PDE1C: variants seen among roughly 807,000 people sequenced by gnomAD.
The protein encoded by PDE1C is phosphodiesterase 1C.
In PDE1C, 62 loss-of-function variants were observed where a neutral mutation model predicts 93.1. That is an observed-to-expected ratio of 0.67 (90% CI 0.54 to 0.82). The LOEUF is 0.82. Ranked by LOEUF, PDE1C falls within the 40% of genes least tolerant of loss-of-function variation. The pLI is 0.00. For synonymous variants in PDE1C, 325 were observed against 310.1 expected (o/e 1.05, Z -0.50); for missense variants, 742 against 884.6 (o/e 0.84, Z 2.04).
chr7:32,171,109 C>A (rs543538133), intron 2 of PDE1C, among the ~76,000 whole-genome samples: 6 of 152,260 alleles, frequency 3.9e-5, no homozygotes, highest in African/African-American at 1.2e-4. Context: ...CAGATGGCCC[C>A]GTAACATGAC....
chr7:31,937,305 T>C (rs1270293750), intron 2 of PDE1C, among the ~76,000 whole-genome samples: 4 of 152,158 alleles, frequency 2.6e-5, no homozygotes, highest in African/African-American at 9.7e-5. Flanking sequence ...AAGAAATATA[T>C]TGTGGGGTAA....
the PDE1C span, chr7:31,652,761 G>A: frequency 5.0e-6 from 8 of 1,613,798 alleles, no homozygotes; most frequent in Admixed American, 8.3e-5. Flanking sequence ...ATCAGCTTGG[G>A]CAAAGTTAGG....
At chr7:31,762,867 TCCCTAGAGGGA>T (rs1375755729) in intron 17 of PDE1C, among the ~76,000 whole-genome samples, 1 of 152,110 alleles carries the variant, frequency 6.6e-6, no homozygotes, top group East Asian at 1.9e-4. Context: ...CATTTCCAGA[TCCCTAGAGGGA>T]TATGCATCCA....
intron 2 of PDE1C, among the ~76,000 whole-genome samples, chr7:31,889,627 G>C (rs1798379539): frequency 6.6e-6 from 1 of 152,160 alleles, no homozygotes; most frequent in South Asian, 2.1e-4. Context: ...TCTACAGAGT[G>C]AATCTCCTTT....
At chr7:32,209,994 A>C (rs1805881934) in intron 1 of PDE1C, among the ~76,000 whole-genome samples, 1 of 152,186 alleles carries the variant, frequency 6.6e-6, no homozygotes, top group Non-Finnish European at 1.5e-5. Flanking sequence ...GGAATTTCGG[A>C]AGATAAATAA....
chr7:31,759,422 G>A (rs758937), intron 17 of PDE1C, among the ~76,000 whole-genome samples: 23,357 of 152,154 alleles, frequency 0.15, 1,995 homozygotes, highest in Non-Finnish European at 0.18. Flanking sequence ...GACCACTAGT[G>A]GAGAAGAACC....
intron 2 of PDE1C, among the ~76,000 whole-genome samples, chr7:31,905,828 GT>G (rs1224866978): frequency 5.3e-5 from 8 of 152,288 alleles, no homozygotes; most frequent in African/African-American, 1.9e-4. Flanking sequence ...ATCGAATCAT[GT>G]GGGTGGTTAC....
chr7:31,848,418 T>G (rs1371896829), intron 8 of PDE1C, among the ~76,000 whole-genome samples: 2 of 152,172 alleles, frequency 1.3e-5, no homozygotes, highest in Non-Finnish European at 2.9e-5. Context: ...CATGTCAAAC[T>G]TCTTTATATT....
chr7:32,224,272 C>G (rs1201125082), intron 1 of PDE1C, among the ~76,000 whole-genome samples: 1 of 152,134 alleles, frequency 6.6e-6, no homozygotes, highest in Non-Finnish European at 1.5e-5. Context: ...ACTCAGGAGG[C>G]TGAGGCAGGA....
intron 17 of PDE1C, among the ~76,000 whole-genome samples, chr7:31,774,841 C>A (rs1282029498): frequency 6.6e-6 from 1 of 152,114 alleles, no homozygotes; most frequent in Admixed American, 6.5e-5. Context: ...TCTTGGTTAA[C>A]CCTGAGTGGT....
intron 1 of PDE1C, among the ~76,000 whole-genome samples, chr7:32,315,163 A>T (rs1783141564): frequency 6.6e-6 from 1 of 150,648 alleles, no homozygotes; most frequent in Admixed American, 6.6e-5. Flanking sequence ...AAAAGAAAAT[A>T]CACTAAAGAA....
At chr7:32,133,694 A>G (rs1056571650) in intron 3 of PDE1C, among the ~76,000 whole-genome samples, 5 of 152,158 alleles carry the variant, frequency 3.3e-5, no homozygotes, top group African/African-American at 1.2e-4. Flanking sequence ...AAAAAACATC[A>G]ATACTCTTTG....
intron 2 of PDE1C, among the ~76,000 whole-genome samples, chr7:31,977,826 A>G (rs1421368508): frequency 3.9e-5 from 6 of 152,226 alleles, no homozygotes; most frequent in African/African-American, 1.4e-4. Context: ...TCCATTTAAC[A>G]TAAGGTTAGA....
chr7:31,684,247 G>A, the PDE1C span, among the ~76,000 whole-genome samples: 4 of 152,176 alleles, frequency 2.6e-5, no homozygotes, highest in Admixed American at 6.5e-5. Flanking sequence ...GGGGAAATCA[G>A]GGATTCATAC....
In PDE1C at chr7:31,930,686, A is replaced by AAAT. The variant is rs1484139388; in HGVS notation, c.129-49829_129-49827dup. ...AAACCTCATCTCTACTAAAAATACA[A>AAAT]AATAATAATAATAATAGCCAGGCAT... On this transcript the variant is annotated intron_variant, in intron 2 of 17. Transcript: ENST00000396191. Among the ~76,000 whole-genome samples the AAAT allele has an allele frequency of 5.3e-5, 8 of 151,356 alleles. No individual in the cohort carries two copies. The East Asian group carries it at 9.7e-4, about 18-fold the overall frequency.
intron 2 of PDE1C, among the ~76,000 whole-genome samples, chr7:31,898,351 T>C (rs1485879922): frequency 3.3e-5 from 5 of 152,138 alleles, no homozygotes; most frequent in Admixed American, 6.6e-5. Flanking sequence ...TATTATATTG[T>C]ATCATGTATC....
intron 2 of PDE1C, among the ~76,000 whole-genome samples, chr7:32,008,689 T>C (rs149039793): frequency 5.3e-4 from 81 of 152,288 alleles, no homozygotes; most frequent in African/African-American, 1.7e-3. Context: ...TCAGCGATTA[T>C]TGCAAAGGAG....
intron 2 of PDE1C, among the ~76,000 whole-genome samples, chr7:31,946,452 G>A (rs999759951): frequency 6.6e-6 from 1 of 152,142 alleles, no homozygotes; most frequent in African/African-American, 2.4e-5. Flanking sequence ...TCTGGAATGT[G>A]TCTAGACTTA....
At chr7:32,344,787 G>A (rs995305883) in intron 1 of PDE1C, among the ~76,000 whole-genome samples, 1 of 151,922 alleles carries the variant, frequency 6.6e-6, no homozygotes, top group Non-Finnish European at 1.5e-5. Context: ...TAAGCTCCAC[G>A]AGAGCAAGGA....
Sources: gnomAD v4.1 joint callset for allele counts (sites outside exome capture counted in the v4.1 genomes callset) on GRCh38, gnomAD v4.1.1 for gene constraint, MANE v1.5 for transcripts, NCBI Gene and HGNC (gene_info 2026-07-23, HGNC 2026-07-21) for gene names.